The following KDM5B variants were observed in gnomAD, a reference collection of about 807,000 sequenced individuals.
KDM5B encodes the protein lysine-specific demethylase 5B.
In KDM5B, 144 loss-of-function variants were observed where a neutral mutation model predicts 193.4. The ratio of observed to expected loss-of-function variants is 0.74; its 90% CI spans 0.65 to 0.86. The LOEUF is 0.86. Ranked by LOEUF, KDM5B falls within the 40% of genes least tolerant of loss-of-function variation. The pLI, the probability that KDM5B is intolerant of heterozygous loss-of-function variation, is 0.00. For missense variants in KDM5B, 1,833 were observed against 1,886.9 expected (o/e 0.97, Z 0.53); for synonymous variants, 668 against 682.6 (o/e 0.98, Z 0.33).
intron 1 of KDM5B, among the ~76,000 whole-genome samples, chr1:202,799,657 C>CA (rs35801525): frequency 0.59 from 82,113 of 138,820 alleles, 23,493 homozygotes; most frequent in Non-Finnish European, 0.64. Flanking sequence ...AACTCCATCT[C>CA]AAAAAAAAAA....
Position 202,777,111 on chromosome 1 carries a change from G to A in KDM5B, c.205-17C>T, listed in dbSNP as rs200015406. Reference sequence around the variant, plus strand: ...CTGCCAATCCTAGGAGAAAGCAAAGGCTCTTATTAGAATAACTTATAAGCA... The same window carrying A: ...CTGCCAATCCTAGGAGAAAGCAAAGACTCTTATTAGAATAACTTATAAGCA... On this transcript the variant is annotated splice_polypyrimidine_tract_variant and intron_variant, in intron 1 of 26. Coordinates refer to ENST00000367265, the MANE Select transcript of KDM5B (RefSeq NM_006618.5). 1 of 1,590,542 alleles carries A rather than the reference G, an allele frequency of 6.3e-7. No homozygotes were observed. Among genetic ancestry groups the A allele is most frequent in the Non-Finnish European group, 8.6e-7 (1 of 1,159,722 alleles).
chr1:202,728,926 T>C lies in KDM5B; in HGVS notation c.*110A>G. 7.7e-7 allele frequency: 1 copy of C among 1,296,302 alleles called. No homozygotes were observed. Among genetic ancestry groups the C allele is most frequent in the Non-Finnish European group, 1.1e-6 (1 of 909,062 alleles). 80.3% of individuals were successfully genotyped at this position (1,296,302 alleles called of 1,614,324 possible). ...CCCATAAGGAATAGAAATAGCACCG[T>C]TTACAGGCTGGCTTGAGTACCAGTC... On this transcript the variant is annotated 3_prime_UTR_variant, in exon 27 of 27. Transcript: ENST00000367265.
In KDM5B at chr1:202,764,130, T is replaced by C. The variant is rs1656354198; in HGVS notation, c.727A>G (p.Ile243Val). 1.3e-6 allele frequency: 2 copies of C among 1,553,418 alleles called. No individual in the cohort carries two copies. The highest frequency in any genetic ancestry group is 2.0e-5 in the Admixed American group (1 of 49,258). ...GCTTCCGTTGTCTCCTCGGGTTCTA[T>C]TTTAATATTCATGGCCTTAAAAAAA... is the stretch of plus-strand genomic sequence containing the variant. ...RMRAEAMNIK[I>V]EPEETTEART... Residue 243 changes from isoleucine (I) to valine (V), a missense_variant, in exon 6 of 27, where the codon ATA becomes GTA. Ile to Val is a conservative substitution (Grantham distance 29, BLOSUM62 3). Transcript: ENST00000367265.
Position 202,749,124 on chromosome 1 carries a change from G to A in KDM5B, c.1837C>T (p.Gln613Ter), listed in dbSNP as rs1337912043. The A allele has an allele frequency of 1.2e-6, 2 of 1,605,742 alleles. No individual in the cohort carries two copies. Among genetic ancestry groups the A allele is most frequent in the South Asian group, 1.1e-5 (1 of 88,800 alleles). ...CTVDWLPLGR[Q>*]CVEHYRLLHR... ...AGCAAGCGATAATGCTCCACACACT[G>A]TCGGCCTAATGGCAGCTGTATCAAA... Residue 613 changes from glutamine (Q) to a stop codon, truncating the protein, a stop_gained, in exon 14 of 27, where the codon CAG (glutamine) becomes TAG (stop). Coordinates refer to ENST00000367265, the MANE Select transcript of KDM5B (RefSeq NM_006618.5). LOFTEE classifies it high-confidence loss of function.
intron 17 of KDM5B, 60 bp from the exon 18 acceptor site, chr1:202,742,565 G>A: frequency 6.3e-7 from 1 of 1,592,494 alleles, no homozygotes; most frequent in Middle Eastern, 1.7e-4. Context: ...ACCACACCCA[G>A]GTGGTCACAG....
intron 7 of KDM5B, 82 bp downstream of exon 7, chr1:202,762,617 A>C: frequency 1.3e-6 from 1 of 788,942 alleles, no homozygotes; most frequent in Non-Finnish European, 2.2e-6. Context: ...TTTAAGTTTA[A>C]ACTTGGGGGT....
At position 202,728,847 on chromosome 1, in the gene KDM5B, C is replaced by CA. The variant is rs1348436972; in HGVS notation, c.*188dup. On this transcript the variant is annotated 3_prime_UTR_variant, in exon 27 of 27. Transcript: ENST00000367265. ...CTTAAGGAAAAAATACAAAAAGTGT[C>CA]AAAAATTTTTTTAGTTGTTTTTTCT... The CA allele has an allele frequency of 3.1e-6, 2 of 642,314 alleles. No homozygotes were observed. Among genetic ancestry groups the CA allele is most frequent in the South Asian group, 2.8e-5 (1 of 35,328 alleles). 39.8% of individuals were successfully genotyped at this position (642,314 alleles called of 1,614,324 possible). A position where few individuals can be genotyped will look rare whatever the true frequency, so the allele number is the denominator to read the frequency against.
intron 4 of KDM5B, among the ~76,000 whole-genome samples, chr1:202,768,001 A>G (rs1656547057): frequency 6.6e-6 from 1 of 152,242 alleles, no homozygotes; most frequent in South Asian, 2.1e-4. Flanking sequence ...CAAAGTTATC[A>G]TCCAAAGATA....
At chr1:202,729,647 A>C (rs1572701360) in intron 26 of KDM5B, 60 bp downstream of exon 26, 18 of 1,446,730 alleles carry the variant, frequency 1.2e-5, no homozygotes, top group Middle Eastern at 2.2e-4. Context: ...GATGAGGTCT[A>C]GCTTACAGGG....
At chr1:202,778,960 A>G (rs966733991) in intron 1 of KDM5B, among the ~76,000 whole-genome samples, 2 of 152,064 alleles carry the variant, frequency 1.3e-5, no homozygotes, top group Non-Finnish European at 2.9e-5. Context: ...TTTTCCCTAT[A>G]TATGTTAAGG....
At position 202,728,051 on chromosome 1, in the gene KDM5B, A is replaced by T. The variant is rs894619505; in HGVS notation, c.*985T>A. On this transcript the variant is annotated 3_prime_UTR_variant, in exon 27 of 27. Coordinates refer to ENST00000367265, the MANE Select transcript of KDM5B (RefSeq NM_006618.5). ...AAACAGAGCAGGACACAAAAGAAGAATCCCCTAATGTTGTTTGCAGGCTAA... is the reference window on the plus strand; with the variant it reads ...AAACAGAGCAGGACACAAAAGAAGATTCCCCTAATGTTGTTTGCAGGCTAA... The T allele has an allele frequency of 1.3e-5, 2 of 152,160 alleles. No homozygotes were observed. Among genetic ancestry groups the T allele is most frequent in the African/African-American group, 4.9e-5 (2 of 41,192 alleles). 9.4% of individuals were successfully genotyped at this position (152,160 alleles called of 1,614,324 possible). A position where few individuals can be genotyped will look rare whatever the true frequency, so the allele number is the denominator to read the frequency against.
chr1:202,792,436 G>A (rs1048884959), intron 1 of KDM5B, among the ~76,000 whole-genome samples: 1 of 152,006 alleles, frequency 6.6e-6, no homozygotes, highest in Non-Finnish European at 1.5e-5. Flanking sequence ...GGAGGCAGTG[G>A]TACATTTATA....
chr1:202,746,187 T>C lies in KDM5B; in HGVS notation c.2153A>G (p.His718Arg). Reference protein sequence around the residue: ...CKPGLLVCLHHVKELCSCPPY... With the variant: ...CKPGLLVCLHRVKELCSCPPY... The stretch of plus-strand genomic sequence containing the variant: ...AGGACAGGAACACAATTCTTTTACA[T>C]GATGCAGGCAAACAAGAAGGCCAGG... Residue 718 changes from histidine (H) to arginine (R), a missense_variant, in exon 15 of 27, where the codon CAT becomes CGT. His to Arg is a conservative substitution (Grantham distance 29, BLOSUM62 0). This residue lies in a region of KDM5B where 1,379 missense variants were observed against 1,349.6 expected (regional missense o/e 1.02). Coordinates refer to ENST00000367265, the MANE Select transcript of KDM5B (RefSeq NM_006618.5). 2 of 1,613,580 alleles carry C rather than the reference T, an allele frequency of 1.2e-6. No homozygotes were observed. Among genetic ancestry groups the C allele is most frequent in the Non-Finnish European group, 8.5e-7 (1 of 1,179,762 alleles).
chr1:202,755,506 T>C, intron 10 of KDM5B, 54 bp from the exon 11 acceptor site: 1 of 1,317,490 alleles, frequency 7.6e-7, no homozygotes, highest in Non-Finnish European at 1.1e-6. Context: ...ATGCTAACGT[T>C]TTAGAAGGCC....
At chr1:202,767,508 G>A (rs995559952) in intron 4 of KDM5B, 3 of 720,440 alleles carry the variant, frequency 4.2e-6, no homozygotes, top group African/African-American at 3.5e-5. Flanking sequence ...TCACGACCTT[G>A]TTCCCCGGTG....
chr1:202,766,220 A>AAG (rs1656450942), intron 5 of KDM5B, among the ~76,000 whole-genome samples: 1 of 152,136 alleles, frequency 6.6e-6, no homozygotes, highest in African/African-American at 2.4e-5. Flanking sequence ...CTATAAAAGG[A>AAG]AGAGGCTGGG....
intron 15 of KDM5B, 25 bp downstream of exon 15, chr1:202,746,116 GA>G (rs3216061): frequency 1.9e-6 from 3 of 1,559,618 alleles, no homozygotes; most frequent in African/African-American, 2.7e-5. Flanking sequence ...TTTTCCATAG[GA>G]AAAAAAATCG....
chr1:202,755,493 A>G (rs1655973399), intron 10 of KDM5B, 41 bp from the exon 11 acceptor site: 1 of 1,463,274 alleles, frequency 6.8e-7, no homozygotes, highest in Non-Finnish European at 9.4e-7. Flanking sequence ...GTTTAGCTAT[A>G]CAATGCTAAC....
chr1:202,765,628 T>C (rs1656424426), intron 5 of KDM5B, among the ~76,000 whole-genome samples: 1 of 152,236 alleles, frequency 6.6e-6, no homozygotes, highest in Non-Finnish European at 1.5e-5. Flanking sequence ...AATAACCATA[T>C]TTTCCTATTC....
Sources: allele counts gnomAD v4.1 joint callset (sites outside exome capture counted in the v4.1 genomes callset), GRCh38; gene constraint gnomAD v4.1.1; regional missense constraint gnomAD v4.1.1; transcripts MANE v1.5; gene names NCBI Gene and HGNC (gene_info 2026-07-23, HGNC 2026-07-21).